Variants in VASP observed in about 807,000 individuals in gnomAD.
VASP encodes vasodilator-stimulated phosphoprotein.
In VASP, 27 loss-of-function variants were observed where a neutral mutation model predicts 54.4. The observed-to-expected ratio is 0.50, with a 90% CI of 0.37 to 0.68. VASP has a LOEUF of 0.68. VASP is among the 30% of genes least tolerant of loss of function. VASP has a pLI of 0.00. For missense variants in VASP, 488 were observed against 528.3 expected (o/e 0.92, Z 0.75); for synonymous variants, 233 against 209.8 (o/e 1.11, Z -0.96).
At position 45,507,795 on chromosome 19, in the gene VASP, C is replaced by T. The variant is rs1367464539; in HGVS notation, c.5+19C>T. ...CCATGAGGTGAGCCGGACCTGCCCC[C>T]CGACCCGTCCCCGCCCGGGCGGGCT... On this transcript the variant is annotated intron_variant, in intron 1 of 12. Transcript: ENST00000245932. The surrounding 1 kb of genome is among the most constrained non-coding windows in gnomAD (Gnocchi z 4.4). 3.5e-6 allele frequency: 5 copies of T among 1,417,074 alleles called. No homozygotes were observed. Among genetic ancestry groups the T allele is most frequent in the South Asian group, 1.5e-5 (1 of 67,790 alleles). The allele number at this position is 1,417,074 out of a possible 1,614,324, so 87.8% of individuals were successfully genotyped here.
chr19:45,523,910 T>C (rs768114494), intron 9 of VASP, 33 bp downstream of exon 9: 16 of 1,613,378 alleles, frequency 9.9e-6, no homozygotes, highest in African/African-American at 5.3e-5. Context: ...CCACAGGAAC[T>C]ACAAATCCCA....
chr19:45,517,756 C>T lies in VASP; in HGVS notation c.99C>T (p.Phe33=). The T allele has an allele frequency of 3.1e-6, 5 of 1,613,714 alleles. No homozygotes were observed. Among genetic ancestry groups the T allele is most frequent in the Non-Finnish European group, 4.2e-6 (5 of 1,180,024 alleles). Residue 33 remains phenylalanine, a synonymous_variant, in exon 2 of 13, where the codon TTC becomes TTT. Coordinates refer to ENST00000245932, the MANE Select transcript of VASP (RefSeq NM_003370.4). The stretch of plus-strand genomic sequence containing the variant: ...CTGCTGGCACGGGTCCCCAGGCCTT[C>T]AGCCGCGTCCAGATCTACCACAACC... The part of the protein sequence containing the change: ...WLPAGTGPQA[F]SRVQIYHNPT...
intron 1 of VASP, among the ~76,000 whole-genome samples, chr19:45,513,562 G>A (rs1053679636): frequency 1.3e-5 from 2 of 148,610 alleles, no homozygotes; most frequent in Non-Finnish European, 3.0e-5. Context: ...ACTGCCTCCT[G>A]GGTTCAGTGA....
Position 45,524,386 on chromosome 19 carries a change from T to C in VASP, c.957-184T>C, listed in dbSNP as rs992448216. 25 of 683,314 alleles carry C rather than the reference T, an allele frequency of 3.7e-5. No individual in the cohort carries two copies. The African/African-American group carries it at 4.2e-4, about 12-fold the overall frequency. The allele number at this position is 683,314 out of a possible 1,614,324, so 42.3% of individuals were successfully genotyped here. ...CTGCACTCCAGCCTGAGAAATAGAA[T>C]GTGACTGTCTCAAAACAAAACACAA... On this transcript the variant is annotated intron_variant, in intron 10 of 12. Transcript: ENST00000245932.
chr19:45,522,105 G>A, intron 4 of VASP, 63 bp from the exon 5 acceptor site: 1 of 1,608,172 alleles, frequency 6.2e-7, no homozygotes, highest in South Asian at 1.1e-5. Flanking sequence ...GGAGGTCGCT[G>A]GCCCCTTCGC....
chr19:45,525,463 C>T lies in VASP; in HGVS notation c.1048-483C>T, dbSNP rs1053901784. 2.6e-5 allele frequency among the ~76,000 whole-genome samples: 4 copies of T among 152,274 alleles called. No homozygotes were observed. In the East Asian group the frequency reaches 7.7e-4, roughly 29 times the overall value. On this transcript the variant is annotated intron_variant, in intron 11 of 12. Transcript: ENST00000245932. ...GCCATAATCCCAGCAGTTTGGAAGGCTGATGGGGACGGATCACGTGAAGTC... is the reference window on the plus strand; with the variant it reads ...GCCATAATCCCAGCAGTTTGGAAGGTTGATGGGGACGGATCACGTGAAGTC...
intron 1 of VASP, among the ~76,000 whole-genome samples, chr19:45,513,889 T>C (rs781305262): frequency 7.9e-5 from 12 of 152,142 alleles, no homozygotes; most frequent in Non-Finnish European, 1.6e-4. Flanking sequence ...TTACAGATGT[T>C]TCGTAACTAT....
In VASP at chr19:45,522,069, C is replaced by T. The variant is rs558991254; in HGVS notation, c.429-99C>T. On this transcript the variant is annotated intron_variant, in intron 4 of 12. Transcript: ENST00000245932. ...TTGGGTGAGTATTAGGAGCCAGCCA[C>T]CCTGGAGACCTCTGAGAGAGAGGAC... is the stretch of plus-strand genomic sequence containing the variant. The T allele has an allele frequency of 8.8e-5, 137 of 1,549,448 alleles. No individual in the cohort carries two copies. The African/African-American group carries it at 1.7e-3, about 19-fold the overall frequency.
chr19:45,521,585 A>G (rs879600238), intron 4 of VASP, among the ~76,000 whole-genome samples, 179 bp downstream of exon 4: 9 of 152,194 alleles, frequency 5.9e-5, no homozygotes, highest in Admixed American at 5.9e-4. Flanking sequence ...AAATCAGAAT[A>G]TGGTGGTTGA....
rs530098632 is a variant in VASP at position 45,509,723 on chromosome 19, T to G, written c.5+1947T>G. 8.5e-5 allele frequency among the ~76,000 whole-genome samples: 13 copies of G among 152,338 alleles called. No individual in the cohort carries two copies. The South Asian group carries it at 2.5e-3, about 29-fold the overall frequency. ...CCCCTGCAGGTGGTCACACCCGACT[T>G]CCTGGGCTGTGCCTCTTCTCCAAGG... On this transcript the variant is annotated intron_variant, in intron 1 of 12. Transcript: ENST00000245932.
chr19:45,517,588 T>A, intron 1 of VASP, 75 bp from the exon 2 acceptor site: 1 of 1,546,874 alleles, frequency 6.5e-7, no homozygotes, highest in Non-Finnish European at 8.7e-7. Context: ...ACACTGTCTT[T>A]GTCCCTTGGA....
rs141917898 is a variant in VASP, at chr19:45,522,588, G to T, written c.720+7G>T. 473 of 1,476,598 alleles carry T rather than the reference G, an allele frequency of 3.2e-4. 7 individuals are homozygous for T. The East Asian group carries it at 9.0e-3, about 28-fold the overall frequency. The allele number at this position is 1,476,598 out of a possible 1,614,324, so 91.5% of individuals were successfully genotyped here. ...ACTCAGGAAAGTCAGCAAGGTGAGGGGCCGGGAGAGGTGGGCAGGGGGCAA... is the reference window on the plus strand; with the variant it reads ...ACTCAGGAAAGTCAGCAAGGTGAGGTGCCGGGAGAGGTGGGCAGGGGGCAA... On this transcript the variant is annotated splice_region_variant and intron_variant, in intron 6 of 12. Coordinates refer to ENST00000245932, the MANE Select transcript of VASP (RefSeq NM_003370.4).
intron 10 of VASP, chr19:45,524,361 C>G (rs1599942235): frequency 3.0e-6 from 2 of 669,970 alleles, no homozygotes; most frequent in East Asian, 2.7e-5. Context: ...ATCATCATGC[C>G]TGCACTCCAG....
chr19:45,524,750 T>C lies in VASP; in HGVS notation c.1047+90T>C, dbSNP rs1968923163. 5 of 1,277,286 alleles carry C rather than the reference T, an allele frequency of 3.9e-6. No individual in the cohort carries two copies. In the Admixed American group the frequency reaches 8.0e-5, roughly 20 times the overall value. The allele number at this position is 1,277,286 out of a possible 1,614,324, so 79.1% of individuals were successfully genotyped here. A position where few individuals can be genotyped will look rare whatever the true frequency, so the allele number is the denominator to read the frequency against. ...ATGCCGTATGATCCTAGATAACATC[T>C]CAGAAACCTCAGGTTTCCAATCTGA... On this transcript the variant is annotated intron_variant, in intron 11 of 12. Transcript: ENST00000245932.
intron 7 of VASP, among the ~76,000 whole-genome samples, chr19:45,523,190 A>ATTTTTTTTTTTTTTTT (rs61288703): frequency 4.0e-5 from 3 of 74,730 alleles, no homozygotes; most frequent in African/African-American, 1.2e-4. Flanking sequence ...AATCTCTTGA[A>ATTTTTTTTTTTTTTTT]TTTTTTTTTT....
At chr19:45,521,442 T>G in intron 4 of VASP, 36 bp downstream of exon 4, 1 of 1,484,800 alleles carries the variant, frequency 6.7e-7, no homozygotes, top group Non-Finnish European at 9.0e-7. Context: ...CCTTAGCCGC[T>G]GCCAGAGTTC....
rs1418984786 is a variant in VASP, at chr19:45,524,303, G to A, written c.956+161G>A. 3 of 835,856 alleles carry A rather than the reference G, an allele frequency of 3.6e-6. No individual in the cohort carries two copies. In the African/African-American group the frequency reaches 5.1e-5, roughly 14 times the overall value. The allele number at this position is 835,856 out of a possible 1,614,324, so 51.8% of individuals were successfully genotyped here. On this transcript the variant is annotated intron_variant, in intron 10 of 12. Transcript: ENST00000245932. ...TGTGGTCCCAGCTACTCAGGAGGCT[G>A]AGGTGGGAGGATTACTTGAGCCCAG...
chr19:45,524,240 A>G (rs1968910873), intron 10 of VASP, 98 bp downstream of exon 10: 5 of 1,407,442 alleles, frequency 3.6e-6, no homozygotes, highest in Non-Finnish European at 5.0e-6. Flanking sequence ...GCGACACCCC[A>G]TCTCTACAAA....
At chr19:45,516,422 C>T (rs1241740935) in intron 1 of VASP, among the ~76,000 whole-genome samples, 1 of 152,208 alleles carries the variant, frequency 6.6e-6, no homozygotes, top group African/African-American at 2.4e-5. Flanking sequence ...AGGCCTCACA[C>T]TTCCCCTCCC....
Sources: allele counts gnomAD v4.1 joint callset (sites outside exome capture counted in the v4.1 genomes callset), GRCh38; gene constraint gnomAD v4.1.1; non-coding constraint Gnocchi (gnomAD v3.1); transcripts MANE v1.5; gene names NCBI Gene and HGNC (gene_info 2026-07-23, HGNC 2026-07-21).